CREB3L3: variants seen among roughly 807,000 people sequenced by gnomAD.
CREB3L3 encodes the protein cyclic AMP-responsive element-binding protein 3-like protein 3.
A neutral mutation model predicts 44.6 loss-of-function variants in CREB3L3; 40 were observed. The ratio of observed to expected loss-of-function variants is 0.90; its 90% CI spans 0.70 to 1.17. The LOEUF is 1.17. CREB3L3 is among the 50% of genes most tolerant of loss of function. The pLI, the probability that CREB3L3 is intolerant of heterozygous loss-of-function variation, is 0.00. For synonymous variants in CREB3L3, 273 were observed against 256.3 expected (o/e 1.06, Z -0.62); for missense variants, 578 against 595.8 (o/e 0.97, Z 0.31).
intron 5 of CREB3L3, among the ~76,000 whole-genome samples, chr19:4,168,123 C>T (rs1316364053): frequency 6.6e-6 from 1 of 151,786 alleles, no homozygotes; most frequent in Non-Finnish European, 1.5e-5. Context: ...CTCAGCCTCC[C>T]GAGTAGCTGG....
chr19:4,158,678 G>A (rs1057318562), intron 3 of CREB3L3, among the ~76,000 whole-genome samples: 1 of 151,916 alleles, frequency 6.6e-6, no homozygotes, highest in Non-Finnish European at 1.5e-5. Context: ...GCAGGCGCCT[G>A]TAGTCTCAGC....
intron 4 of CREB3L3, among the ~76,000 whole-genome samples, chr19:4,160,373 T>C (rs986898029): frequency 6.6e-6 from 1 of 151,956 alleles, no homozygotes; most frequent in Non-Finnish European, 1.5e-5. Context: ...ATTTATCATC[T>C]TAAAAAAGTT....
rs763751565 is a variant in CREB3L3, at chr19:4,164,408, T to C, written c.577-95T>C. On this transcript the variant is annotated intron_variant, in intron 4 of 9. Transcript: ENST00000078445. ...CAGGCGTGAGCCACCACACCCAGCCTGGGGTGATAGTGTTTTCGATCTGAT... is the reference window on the plus strand; with the variant it reads ...CAGGCGTGAGCCACCACACCCAGCCCGGGGTGATAGTGTTTTCGATCTGAT... The C allele has an allele frequency of 9.3e-5, 139 of 1,498,980 alleles. 4 individuals carry two copies. In the South Asian group the frequency reaches 1.3e-3, roughly 14 times the overall value. 92.9% of individuals were successfully genotyped at this position (1,498,980 alleles called of 1,614,324 possible).
rs149387566 is a variant in CREB3L3 at position 4,154,948 on chromosome 19, T to C, written c.77T>C (p.Leu26Pro). The C allele has an allele frequency of 4.6e-5, 75 of 1,613,756 alleles. No homozygotes were observed. In the African/African-American group the frequency reaches 9.5e-4, roughly 20 times the overall value. The change falls in exon 2 of 10, where the codon CTG becomes CCG. Residue 26 changes from leucine to proline, a missense_variant. Coordinates refer to ENST00000078445, the MANE Select transcript of CREB3L3 (RefSeq NM_032607.3). ...SMDPIDSFEL[L>P]DLLFDRQDGI... is the part of the protein sequence containing the mutation. ...GACCCCATCGACAGCTTTGAGCTCCTGGATCTCCTGTTTGACCGGCAGGAC... is the reference window on the plus strand; with the variant it reads ...GACCCCATCGACAGCTTTGAGCTCCCGGATCTCCTGTTTGACCGGCAGGAC...
At chr19:4,163,176 C>T (rs1030303657) in intron 4 of CREB3L3, among the ~76,000 whole-genome samples, 7 of 151,604 alleles carry the variant, frequency 4.6e-5, no homozygotes, top group East Asian at 2.0e-4. Flanking sequence ...GGCGTGGTGG[C>T]GGGCACCTGT....
intron 4 of CREB3L3, among the ~76,000 whole-genome samples, chr19:4,161,629 GAA>G (rs1157456460): frequency 5.9e-5 from 5 of 85,212 alleles, no homozygotes; most frequent in Non-Finnish European, 1.2e-4. Flanking sequence ...TTGCAGATGA[GAA>G]GGTAGGTCAA....
chr19:4,165,863 G>A (rs1178353362), intron 5 of CREB3L3, among the ~76,000 whole-genome samples: 3 of 152,030 alleles, frequency 2.0e-5, no homozygotes, highest in Non-Finnish European at 4.4e-5. Context: ...GGTGACAAGA[G>A]CGAAACTCTG....
intron 1 of CREB3L3, 44 bp downstream of exon 1, chr19:4,153,818 G>C (rs1226283097): frequency 6.2e-7 from 1 of 1,609,670 alleles, no homozygotes; most frequent in South Asian, 1.1e-5. Flanking sequence ...GTCTAGGCTG[G>C]GAAAGCCTAC....
At chr19:4,159,581 G>A in intron 3 of CREB3L3, 83 bp from the exon 4 acceptor site, 1 of 781,552 alleles carries the variant, frequency 1.3e-6, no homozygotes, top group Non-Finnish European at 2.4e-6. Flanking sequence ...GAGACTTGGT[G>A]GAGGAGGCGG....
chr19:4,168,534 A>T, intron 6 of CREB3L3, 77 bp downstream of exon 6: 1 of 1,183,680 alleles, frequency 8.4e-7, no homozygotes, highest in Non-Finnish European at 1.2e-6. Context: ...GGCTAAGGCC[A>T]CACAGCTTAG....
chr19:4,164,649 G>A lies in CREB3L3; in HGVS notation c.714+9G>A, dbSNP rs367564406. On this transcript the variant is annotated intron_variant, in intron 5 of 9. Transcript: ENST00000078445. ...AGCTGCCCCTCACTAAGGTGAGTCT[G>A]GGGGGACTTCCAGCCCTGGATCCAT... 2.7e-5 allele frequency: 44 copies of A among 1,613,598 alleles called. No homozygotes were observed. Among genetic ancestry groups the A allele is most frequent in the African/African-American group, 2.7e-4 (20 of 75,000 alleles).
At position 4,162,675 on chromosome 19, in the gene CREB3L3, T is replaced by A. The variant is rs188453479; in HGVS notation, c.577-1828T>A. The stretch of plus-strand genomic sequence containing the variant: ...CTCCAGCCTGGGTGACACAGTGACA[T>A]CTTGCATCTTAAAAGAAGAAAAGAT... On this transcript the variant is annotated intron_variant, in intron 4 of 9. Transcript: ENST00000078445. 4.6e-5 allele frequency among the ~76,000 whole-genome samples: 7 copies of A among 151,568 alleles called. No homozygotes were observed. The East Asian group carries it at 1.2e-3, about 25-fold the overall frequency.
chr19:4,173,001 A>C lies in CREB3L3; in HGVS notation c.*1032A>C, dbSNP rs1967092295. The C allele has an allele frequency of 6.5e-6, 1 of 152,886 alleles. No individual in the cohort carries two copies. Among genetic ancestry groups the C allele is most frequent in the South Asian group, 2.0e-4 (1 of 4,944 alleles). 9.5% of individuals were successfully genotyped at this position (152,886 alleles called of 1,614,324 possible). On this transcript the variant is annotated 3_prime_UTR_variant, in exon 10 of 10. Coordinates refer to ENST00000078445, the MANE Select transcript of CREB3L3 (RefSeq NM_032607.3). Reference sequence around the variant, plus strand: ...GGTCTTTGGAGCAGCCACGGCCCACAATCACCCCCCTTTTCTAAGACTGCC... The same window carrying C: ...GGTCTTTGGAGCAGCCACGGCCCACCATCACCCCCCTTTTCTAAGACTGCC...
At chr19:4,162,007 T>C (rs1302122583) in intron 4 of CREB3L3, among the ~76,000 whole-genome samples, 1 of 152,116 alleles carries the variant, frequency 6.6e-6, no homozygotes, top group Non-Finnish European at 1.5e-5. Context: ...TTTTGTTTTA[T>C]TTTATTTGTT....
In CREB3L3 at chr19:4,171,639, C is replaced by G. The variant is rs764210146; in HGVS notation, c.1073-17C>G. On this transcript the variant is annotated splice_polypyrimidine_tract_variant and intron_variant, in intron 9 of 9. Transcript: ENST00000078445. This position sits in a 1 kb window ranked among gnomAD's most constrained non-coding sequence, Gnocchi z 4.9. ...ACCTCCACCTTGTCCCCTGTGATGC[C>G]CCCCTTCCCCAATCAGTGTTCTCCA... 1.2e-6 allele frequency: 2 copies of G among 1,613,114 alleles called. No homozygotes were observed. Among genetic ancestry groups the G allele is most frequent in the Non-Finnish European group, 1.7e-6 (2 of 1,179,800 alleles).
Position 4,172,090 on chromosome 19 carries a change from TG to T in CREB3L3, c.*126del. ...CAAGACCCCAGCAGAGATGCCAGAA[TG>T]GGGGAGGCACAGCTCATAGCCACAC... On this transcript the variant is annotated 3_prime_UTR_variant, in exon 10 of 10. Coordinates refer to ENST00000078445, the MANE Select transcript of CREB3L3 (RefSeq NM_032607.3). 1.9e-6 allele frequency: 2 copies of T among 1,065,732 alleles called. No individual in the cohort carries two copies. Among genetic ancestry groups the T allele is most frequent in the Non-Finnish European group, 1.3e-6 (1 of 758,698 alleles). The allele number at this position is 1,065,732 out of a possible 1,614,324, so 66.0% of individuals were successfully genotyped here. A position where few individuals can be genotyped will look rare whatever the true frequency, so the allele number is the denominator to read the frequency against.
Position 4,171,859 on chromosome 19 carries a change from A to T in CREB3L3, c.1276A>T (p.Arg426Trp), listed in dbSNP as rs763282147. Reference sequence around the variant, plus strand: ...GCTGGACAACGCCACCCTGGTCCTGAGGAATGCAACAGAGGGGCTGGGCCA... The same window carrying T: ...GCTGGACAACGCCACCCTGGTCCTGTGGAATGCAACAGAGGGGCTGGGCCA... Reference protein sequence around the residue: ...EELDNATLVLRNATEGLGQVA... With the variant: ...EELDNATLVLWNATEGLGQVA... Residue 426 changes from arginine to tryptophan, a missense_variant, in exon 10 of 10, where the codon AGG (arginine) becomes TGG (tryptophan). Arg to Trp is a moderately radical substitution (Grantham distance 101). Coordinates refer to ENST00000078445, the MANE Select transcript of CREB3L3 (RefSeq NM_032607.3). This position sits in a 1 kb window ranked among gnomAD's most constrained non-coding sequence, Gnocchi z 4.9. The T allele has an allele frequency of 1.2e-6, 2 of 1,613,560 alleles. No individual in the cohort carries two copies. The highest frequency in any genetic ancestry group is 1.7e-6 in the Non-Finnish European group (2 of 1,179,992).
At chr19:4,162,101 G>A (rs117246853) in intron 4 of CREB3L3, among the ~76,000 whole-genome samples, 2,107 of 152,210 alleles carry the variant, frequency 0.014, 22 homozygotes, top group Middle Eastern at 0.065. Flanking sequence ...CCACCTCCTG[G>A]GCTCAAGTGA....
intron 4 of CREB3L3, 49 bp from the exon 5 acceptor site, chr19:4,164,454 G>A: frequency 6.2e-7 from 1 of 1,611,444 alleles, no homozygotes; most frequent in Non-Finnish European, 8.5e-7. Context: ...TTTCCTGAAG[G>A]CAGTTGGCGT....
Sources: gnomAD v4.1 joint callset for allele counts (sites outside exome capture counted in the v4.1 genomes callset) on GRCh38, gnomAD v4.1.1 for gene constraint, Gnocchi (gnomAD v3.1) non-coding constraint, MANE v1.5 for transcripts, NCBI Gene and HGNC (gene_info 2026-07-23, HGNC 2026-07-21) for gene names.